FSHR: variants seen among roughly 807,000 people sequenced by gnomAD.
The protein encoded by FSHR is follicle stimulating hormone receptor.
FSHR carries 46 observed loss-of-function variants against 52.1 expected under a neutral mutation model. The ratio of observed to expected loss-of-function variants is 0.88; its 90% CI spans 0.70 to 1.13. The LOEUF (loss-of-function observed/expected upper bound fraction) is 1.13, where lower values mean the gene tolerates loss of function less well. Ranked by LOEUF, FSHR falls within the 50% of genes most tolerant of loss-of-function variation. FSHR has a pLI of 0.00. For missense variants in FSHR, 964 were observed against 834.6 expected (o/e 1.16, Z -1.91); for synonymous variants, 399 against 309.6 (o/e 1.29, Z -3.03).
chr2:49,092,064 C>T (rs1245533397), intron 1 of FSHR, among the ~76,000 whole-genome samples: 1 of 152,158 alleles, frequency 6.6e-6, no homozygotes, highest in African/African-American at 2.4e-5. Context: ...CATTTTGTAG[C>T]TTTCAGGATA....
At chr2:49,129,852 G>A (rs1255769371) in intron 1 of FSHR, among the ~76,000 whole-genome samples, 1 of 152,154 alleles carries the variant, frequency 6.6e-6, no homozygotes, top group African/African-American at 2.4e-5. Flanking sequence ...TGAACTTCAG[G>A]AAACTTAGAG....
At position 48,982,098 on chromosome 2, in the gene FSHR, A is replaced by G. The variant is rs1675275573; in HGVS notation, c.668+814T>C. ...AGAGCCCAGGAACACATTTTTAAAAAGCCTTTTTGTGATTGTGATGCAGAT... is the reference window on the plus strand; with the variant it reads ...AGAGCCCAGGAACACATTTTTAAAAGGCCTTTTTGTGATTGTGATGCAGAT... On this transcript the variant is annotated intron_variant, in intron 8 of 9. Coordinates refer to ENST00000406846, the MANE Select transcript of FSHR (RefSeq NM_000145.4). 2.0e-5 allele frequency among the ~76,000 whole-genome samples: 3 copies of G among 152,290 alleles called. No homozygotes were observed. In the South Asian group the frequency reaches 6.2e-4, roughly 32 times the overall value.
chr2:49,022,053 G>C (rs1667744369), intron 2 of FSHR, among the ~76,000 whole-genome samples: 2 of 151,232 alleles, frequency 1.3e-5, no homozygotes, highest in South Asian at 4.2e-4. Flanking sequence ...TTTGAATGCA[G>C]TAGAGTGAAA....
intron 2 of FSHR, among the ~76,000 whole-genome samples, chr2:49,049,979 C>T (rs1488512039): frequency 1.3e-5 from 2 of 151,956 alleles, no homozygotes; most frequent in Non-Finnish European, 1.5e-5. Flanking sequence ...AAGGACACAC[C>T]TAGCAAGTTA....
chr2:49,110,981 T>C (rs1473772880), intron 1 of FSHR, among the ~76,000 whole-genome samples: 1 of 152,210 alleles, frequency 6.6e-6, no homozygotes, highest in Non-Finnish European at 1.5e-5. Context: ...GTTCTTCAAA[T>C]GGAACCTTAT....
At chr2:49,002,458 G>A (rs970828901) in intron 4 of FSHR, among the ~76,000 whole-genome samples, 1 of 152,070 alleles carries the variant, frequency 6.6e-6, no homozygotes, top group Non-Finnish European at 1.5e-5. Context: ...AAAGAGAGAG[G>A]TTTAATTGAC....
At chr2:49,090,113 C>T (rs1468989479) in intron 1 of FSHR, among the ~76,000 whole-genome samples, 1 of 145,808 alleles carries the variant, frequency 6.9e-6, no homozygotes, top group Non-Finnish European at 1.5e-5. Flanking sequence ...AACTAACATA[C>T]AGTAAAATCG....
At chr2:49,031,270 T>C (rs963588578) in intron 2 of FSHR, among the ~76,000 whole-genome samples, 5 of 152,172 alleles carry the variant, frequency 3.3e-5, no homozygotes, top group Non-Finnish European at 5.9e-5. Context: ...CCCCTATTGA[T>C]GTGTATAATT....
rs768605354 is a variant in FSHR, at chr2:48,990,680, T to C, written c.375-43A>G. ...GAGAGTGAGTGAAAATGAAACTGGC[T>C]GTTTAAACAGTTGTTAGAGCATGAA... On this transcript the variant is annotated intron_variant, in intron 4 of 9. Transcript: ENST00000406846. The C allele has an allele frequency of 2.6e-6, 3 of 1,164,290 alleles. No individual in the cohort carries two copies. The African/African-American group carries it at 4.5e-5, about 18-fold the overall frequency. The allele number at this position is 1,164,290 out of a possible 1,614,324, so 72.1% of individuals were successfully genotyped here.
At chr2:48,993,856 CAG>C (rs1356679822) in intron 4 of FSHR, among the ~76,000 whole-genome samples, 1 of 152,180 alleles carries the variant, frequency 6.6e-6, no homozygotes, top group Non-Finnish European at 1.5e-5. Flanking sequence ...ACTCACCCTT[CAG>C]AGTTTAGTTA....
chr2:49,112,443 T>C (rs1298314485), intron 1 of FSHR, among the ~76,000 whole-genome samples: 1 of 152,186 alleles, frequency 6.6e-6, no homozygotes, highest in African/African-American at 2.4e-5. Context: ...TGAAACAAGT[T>C]TAACCATTTA....
intron 1 of FSHR, among the ~76,000 whole-genome samples, chr2:49,146,281 G>A (rs1558467103): frequency 1.3e-5 from 2 of 151,976 alleles, no homozygotes; most frequent in Non-Finnish European, 2.9e-5. Flanking sequence ...TTTCTTAAAG[G>A]GACAGAATAT....
At chr2:49,109,834 A>T (rs1396172791) in intron 1 of FSHR, among the ~76,000 whole-genome samples, 2 of 152,200 alleles carry the variant, frequency 1.3e-5, no homozygotes, top group Non-Finnish European at 2.9e-5. Context: ...TAGGAAAAGG[A>T]TAAGATATCC....
Position 48,993,797 on chromosome 2 carries a change from G to A in FSHR, c.375-3160C>T, listed in dbSNP as rs536295065. Among the ~76,000 whole-genome samples the A allele has an allele frequency of 5.3e-5, 8 of 152,190 alleles. No individual in the cohort carries two copies. In the South Asian group the frequency reaches 6.2e-4, roughly 12 times the overall value. On this transcript the variant is annotated intron_variant, in intron 4 of 9. Transcript: ENST00000406846. ...CTTTCCTTTCTCCAAATATTTGCAT[G>A]TACTTTCTCTAGAAGGCTAACCATC...
intron 1 of FSHR, among the ~76,000 whole-genome samples, chr2:49,153,792 C>A (rs751710572): frequency 1.4e-4 from 21 of 152,194 alleles, no homozygotes; most frequent in Non-Finnish European, 2.5e-4. Flanking sequence ...AATCTCAGTT[C>A]AGGAATTATT....
chr2:49,128,866 A>G (rs1672160492), intron 1 of FSHR, among the ~76,000 whole-genome samples: 1 of 152,148 alleles, frequency 6.6e-6, no homozygotes, highest in South Asian at 2.1e-4. Context: ...AACTGATATC[A>G]GAAGACAGGA....
intron 1 of FSHR, among the ~76,000 whole-genome samples, chr2:49,112,311 C>A (rs1671451470): frequency 6.6e-6 from 1 of 152,040 alleles, no homozygotes; most frequent in Admixed American, 6.6e-5. Context: ...ACAAATATAA[C>A]ACACACAATA....
chr2:49,144,095 G>T (rs372872742), intron 1 of FSHR, among the ~76,000 whole-genome samples: 5 of 152,074 alleles, frequency 3.3e-5, no homozygotes, highest in African/African-American at 1.2e-4. Context: ...ACTTACGACT[G>T]TTGGATGCTG....
chr2:49,146,986 A>T (rs1672895127), intron 1 of FSHR, among the ~76,000 whole-genome samples: 1 of 152,076 alleles, frequency 6.6e-6, no homozygotes, highest in Non-Finnish European at 1.5e-5. Flanking sequence ...GATGAGATGC[A>T]AAAAAGGGCT....
Sources: allele counts gnomAD v4.1 joint callset (sites outside exome capture counted in the v4.1 genomes callset), GRCh38; gene constraint gnomAD v4.1.1; transcripts MANE v1.5; gene names NCBI Gene and HGNC (gene_info 2026-07-23, HGNC 2026-07-21).